The following ADAMTSL1 variants were observed in gnomAD, a reference collection of about 807,000 sequenced individuals.
ADAMTSL1 encodes the protein ADAMTS like 1.
In ADAMTSL1, 126 loss-of-function variants were observed where a neutral mutation model predicts 201.8. The ratio of observed to expected loss-of-function variants is 0.62; its 90% CI spans 0.54 to 0.72. The LOEUF (loss-of-function observed/expected upper bound fraction) is 0.72, where lower values mean the gene tolerates loss of function less well. Among genes scored for constraint, ADAMTSL1 ranks in the 30% least tolerant of loss-of-function variants. The pLI, the probability that ADAMTSL1 is intolerant of heterozygous loss-of-function variation, is 0.00. For missense variants in ADAMTSL1, 2,679 were observed against 2,277.8 expected (o/e 1.18, Z -3.59); for synonymous variants, 1,121 against 903.4 (o/e 1.24, Z -4.32).
At chr9:17,986,293 T>C (rs1818926565) in intron 1 of ADAMTSL1, among the ~76,000 whole-genome samples, 1 of 151,956 alleles carries the variant, frequency 6.6e-6, no homozygotes, top group Non-Finnish European at 1.5e-5. Flanking sequence ...GACCACCTAC[T>C]CTCCTTAGGA....
At chr9:18,343,766 G>A (rs1835575075) in intron 2 of ADAMTSL1, among the ~76,000 whole-genome samples, 1 of 152,128 alleles carries the variant, frequency 6.6e-6, no homozygotes, top group Admixed American at 6.6e-5. Flanking sequence ...AAACTGTGAT[G>A]CATTGATCTG....
chr9:18,681,725 CTT>C (rs1830503518), intron 11 of ADAMTSL1, 85 bp from the exon 12 acceptor site: 1 of 689,404 alleles, frequency 1.5e-6, no homozygotes, highest in Non-Finnish European at 2.0e-6. Context: ...AAAAAGAAAA[CTT>C]AGATTAAAAG....
intron 2 of ADAMTSL1, among the ~76,000 whole-genome samples, chr9:18,372,572 T>C (rs1837094237): frequency 6.6e-6 from 1 of 152,194 alleles, no homozygotes; most frequent in Admixed American, 6.5e-5. Flanking sequence ...TCAGGCTCTT[T>C]CCATTACTAC....
chr9:18,082,100 C>A (rs1191310230), intron 1 of ADAMTSL1, among the ~76,000 whole-genome samples: 1 of 152,148 alleles, frequency 6.6e-6, no homozygotes, highest in African/African-American at 2.4e-5. Context: ...TGCAAATAAG[C>A]TCATTTTCAA....
chr9:18,120,883 T>A (rs992251064), intron 1 of ADAMTSL1, among the ~76,000 whole-genome samples: 3 of 152,158 alleles, frequency 2.0e-5, no homozygotes, highest in Non-Finnish European at 4.4e-5. Flanking sequence ...TACATTAATG[T>A]TTGATGCTGA....
chr9:18,717,748 C>T (rs1454814661), intron 14 of ADAMTSL1, among the ~76,000 whole-genome samples: 1 of 152,206 alleles, frequency 6.6e-6, no homozygotes, highest in Non-Finnish European at 1.5e-5. Context: ...CTTTTACCAG[C>T]TGCATAATCT....
intron 1 of ADAMTSL1, among the ~76,000 whole-genome samples, chr9:18,125,739 G>A (rs1825704723): frequency 6.6e-6 from 1 of 152,126 alleles, no homozygotes; most frequent in Admixed American, 6.6e-5. Context: ...AACCACAAAT[G>A]TAAAGAACTT....
At position 18,348,525 on chromosome 9, in the gene ADAMTSL1, G is replaced by A. The variant is rs141753539; in HGVS notation, c.208-156304G>A. On this transcript the variant is annotated intron_variant, in intron 2 of 29. Coordinates refer to the ADAMTSL1 transcript ENST00000680146. ...GAATACGAAGTATAACACTTGCTAC[G>A]TAATGAGTAGATTCTAAAATTCTCT... Among the ~76,000 whole-genome samples the A allele has an allele frequency of 6.4e-3, 975 of 152,300 alleles. 8 individuals carry two copies. Among genetic ancestry groups the A allele is most frequent in the African/African-American group, 0.018 (753 of 41,558 alleles).
intron 1 of ADAMTSL1, among the ~76,000 whole-genome samples, chr9:18,014,612 T>G (rs2131565138): frequency 6.6e-6 from 1 of 152,222 alleles, no homozygotes; most frequent in South Asian, 2.1e-4. Flanking sequence ...GGCTGAAGTC[T>G]TATTGCAGCC....
intron 2 of ADAMTSL1, among the ~76,000 whole-genome samples, chr9:18,268,910 A>G (rs1832244024): frequency 6.6e-6 from 1 of 152,148 alleles, no homozygotes; most frequent in African/African-American, 2.4e-5. Context: ...AAAAATGAAC[A>G]TGTATATCTC....
chr9:18,526,547 A>G (rs1331986092), intron 2 of ADAMTSL1, among the ~76,000 whole-genome samples: 3 of 152,152 alleles, frequency 2.0e-5, no homozygotes, highest in Non-Finnish European at 4.4e-5. Context: ...TGGTCTTTAC[A>G]ATTTGGCATG....
intron 25 of ADAMTSL1, chr9:18,890,708 G>T (rs1006896587): frequency 2.6e-6 from 1 of 382,182 alleles, no homozygotes. Flanking sequence ...AGCCTGGCCC[G>T]CTCCTTTCTC....
At chr9:18,625,319 C>A (rs542589699) in intron 5 of ADAMTSL1, among the ~76,000 whole-genome samples, 2 of 150,900 alleles carry the variant, frequency 1.3e-5, no homozygotes, top group South Asian at 4.2e-4. Flanking sequence ...AGGAACAAAG[C>A]AAAAACAGGA....
intron 2 of ADAMTSL1, among the ~76,000 whole-genome samples, chr9:18,222,115 T>G (rs1830282455): frequency 6.6e-6 from 1 of 152,068 alleles, no homozygotes; most frequent in Non-Finnish European, 1.5e-5. Flanking sequence ...TTTGTTTGAT[T>G]AGTATTTTCC....
At chr9:18,791,710 G>A (rs2133823911) in intron 19 of ADAMTSL1, among the ~76,000 whole-genome samples, 1 of 152,226 alleles carries the variant, frequency 6.6e-6, no homozygotes, top group East Asian at 1.9e-4. Context: ...CAATATTTAA[G>A]ACTGTTTTTA....
At chr9:18,711,154 T>C (rs1162831483) in intron 14 of ADAMTSL1, among the ~76,000 whole-genome samples, 1 of 152,260 alleles carries the variant, frequency 6.6e-6, no homozygotes, top group Admixed American at 6.5e-5. Flanking sequence ...CATTTCTTGT[T>C]GTAGGCACCC....
intron 1 of ADAMTSL1, among the ~76,000 whole-genome samples, chr9:18,084,945 G>C (rs188459255): frequency 2.0e-5 from 3 of 152,314 alleles, no homozygotes; most frequent in Admixed American, 2.0e-4. Context: ...GAGGCCTGCA[G>C]TTTTAAATAG....
intron 1 of ADAMTSL1, among the ~76,000 whole-genome samples, chr9:17,917,793 C>T (rs1482617452): frequency 6.6e-6 from 1 of 151,892 alleles, no homozygotes; most frequent in Non-Finnish European, 1.5e-5. Context: ...GTGAAGCCAC[C>T]TGGACCTAAA....
At chr9:18,342,896 G>A (rs1039131286) in intron 2 of ADAMTSL1, among the ~76,000 whole-genome samples, 1 of 152,146 alleles carries the variant, frequency 6.6e-6, no homozygotes, top group Non-Finnish European at 1.5e-5. Context: ...ACAAACCCTA[G>A]CATGTCGGTA....
Sources: gnomAD v4.1 joint callset for allele counts (sites outside exome capture counted in the v4.1 genomes callset) on GRCh38, gnomAD v4.1.1 for gene constraint, MANE v1.5 for transcripts, NCBI Gene and HGNC (gene_info 2026-07-23, HGNC 2026-07-21) for gene names.